ABCF1: variants seen among roughly 807,000 people sequenced by gnomAD.
ABCF1 encodes ATP binding cassette subfamily F member 1.
In ABCF1, 73 loss-of-function variants were observed where a neutral mutation model predicts 126.3. That is an observed-to-expected ratio of 0.58 (90% CI 0.48 to 0.70). The LOEUF (loss-of-function observed/expected upper bound fraction) is 0.70, where lower values mean the gene tolerates loss of function less well. Among genes scored for constraint, ABCF1 ranks in the 30% least tolerant of loss-of-function variants. The pLI, the probability that ABCF1 is intolerant of heterozygous loss-of-function variation, is 0.00. For missense variants in ABCF1, 786 were observed against 1,057.5 expected (o/e 0.74, Z 3.56); for synonymous variants, 345 against 396.4 (o/e 0.87, Z 1.54).
At position 30,584,198 on chromosome 6, in the gene ABCF1, T is replaced by C; in HGVS notation, c.1109T>C (p.Val370Ala). 1 of 1,611,866 alleles carries C rather than the reference T, an allele frequency of 6.2e-7. No homozygotes were observed. Among genetic ancestry groups the C allele is most frequent in the Non-Finnish European group, 8.5e-7 (1 of 1,179,624 alleles). ...TTCTCCCTCTGCCTCCCAGAGGTGG[T>C]AGCAGATGAGACACCAGCAGTCCAG... Reference protein sequence around the residue: ...IDVLLCEQEVVADETPAVQAV... With the variant: ...IDVLLCEQEVAADETPAVQAV... The change falls in exon 13 of 25, where the codon GTA becomes GCA. Residue 370 changes from valine (V) to alanine (A), a missense_variant. Val to Ala is a moderately conservative substitution (Grantham distance 64). This residue lies in a region of ABCF1 where 163 missense variants were observed against 255.3 expected (regional missense o/e 0.64). Transcript: ENST00000326195. This position sits in a 1 kb window ranked among gnomAD's most constrained non-coding sequence, Gnocchi z 4.6.
At chr6:30,572,962 A>G (rs1801328897) in intron 1 of ABCF1, among the ~76,000 whole-genome samples, 1 of 152,242 alleles carries the variant, frequency 6.6e-6, no homozygotes, top group African/African-American at 2.4e-5. Flanking sequence ...GAGACAGATA[A>G]TGAAAGGCTT....
intron 1 of ABCF1, among the ~76,000 whole-genome samples, chr6:30,573,430 C>A (rs79833294): frequency 0.021 from 3,222 of 152,254 alleles, 84 homozygotes; most frequent in East Asian, 0.068. Context: ...GGAGAGACAA[C>A]TATACTAGGA....
In ABCF1 at chr6:30,583,677, G is replaced by A. The variant is rs527747770; in HGVS notation, c.985G>A (p.Gly329Ser). 1.5e-5 allele frequency: 25 copies of A among 1,614,002 alleles called. No individual in the cohort carries two copies. The highest frequency in any genetic ancestry group is 9.3e-5 in the African/African-American group (7 of 75,040). The change falls in exon 11 of 25, where the codon GGC becomes AGC. Residue 329 changes from glycine (G) to serine (S), a missense_variant. Physicochemically the swap from Gly to Ser is moderately conservative, Grantham distance 56. This residue lies in a region of ABCF1 where 163 missense variants were observed against 255.3 expected (regional missense o/e 0.64). Coordinates refer to ENST00000326195, the MANE Select transcript of ABCF1 (RefSeq NM_001025091.2). The surrounding 1 kb of genome is among the most constrained non-coding windows in gnomAD (Gnocchi z 4.1). ...FVNADLYIVA[G>S]RRYGLVGPNG... The stretch of plus-strand genomic sequence containing the variant: ...CAATGCAGACCTGTACATTGTAGCC[G>A]GCCGCCGCTACGGGCTGGTAGGACC...
At position 30,578,566 on chromosome 6, in the gene ABCF1, C is replaced by T. The variant is rs1277226850; in HGVS notation, c.478C>T (p.Arg160Trp). The stretch of plus-strand genomic sequence containing the variant: ...TAAGCCTGCCAAGCCGGAGAAGAAT[C>T]GGATCAATAAGGTGACAGTGGTGGC... The part of the protein sequence containing the change: ...PPKPAKPEKN[R>W]INKAVSEEQQ... The change falls in exon 6 of 25, where the codon CGG becomes TGG. Residue 160 changes from arginine to tryptophan, a missense_variant. Arg to Trp is a moderately radical substitution (Grantham distance 101). Transcript: ENST00000326195. 2 of 1,613,604 alleles carry T rather than the reference C, an allele frequency of 1.2e-6. No homozygotes were observed. The highest frequency in any genetic ancestry group is 8.5e-7 in the Non-Finnish European group (1 of 1,179,764).
chr6:30,578,540 C>T lies in ABCF1; in HGVS notation c.452C>T (p.Pro151Leu). The T allele has an allele frequency of 1.9e-6, 3 of 1,613,692 alleles. No individual in the cohort carries two copies. The highest frequency in any genetic ancestry group is 2.5e-6 in the Non-Finnish European group (3 of 1,179,916). ...EEEEEEEKHP[P>L]KPAKPEKNRI... ...GAGGAGGAGGAAGAAAAACATCCTC[C>T]TAAGCCTGCCAAGCCGGAGAAGAAT... Residue 151 changes from proline to leucine, a missense_variant, in exon 6 of 25, where the codon CCT becomes CTT. Physicochemically the swap from Pro to Leu is moderately conservative, Grantham distance 98. This residue lies in a region of ABCF1 where 322 missense variants were observed against 322.9 expected (regional missense o/e 1.00). Transcript: ENST00000326195.
Position 30,590,196 on chromosome 6 carries a change from CCTGATG to C in ABCF1, c.2282_2287del (p.Pro761_Val763delinsLeu). The C allele has an allele frequency of 6.2e-7, 1 of 1,613,016 alleles. No homozygotes were observed. The highest frequency in any genetic ancestry group is 8.5e-7 in the Non-Finnish European group (1 of 1,180,012). On this transcript the variant is annotated inframe_deletion, in exon 23 of 25. Coordinates refer to ENST00000326195, the MANE Select transcript of ABCF1 (RefSeq NM_001025091.2). ...GTTTGCTGAGCTGGCCTGTCGGGAA[CCTGATG>C]TCCTCATCTTGGTGAGTGAGCTGGG...
rs1801938141 is a variant in ABCF1 at position 30,583,512 on chromosome 6, C to T, written c.916-96C>T. The T allele has an allele frequency of 1.1e-5, 15 of 1,319,164 alleles. No individual in the cohort carries two copies. The highest frequency in any genetic ancestry group is 2.9e-5 in the African/African-American group (2 of 69,070). 81.7% of individuals were successfully genotyped at this position (1,319,164 alleles called of 1,614,324 possible). Reference sequence around the variant, plus strand: ...GCTGGAGGTAGCGGTTTGTCAGAGGCTTCCCTGCAGGGAGAAAGTGGCCGC... The same window carrying T: ...GCTGGAGGTAGCGGTTTGTCAGAGGTTTCCCTGCAGGGAGAAAGTGGCCGC... On this transcript the variant is annotated intron_variant, in intron 10 of 24. Transcript: ENST00000326195. The surrounding 1 kb of genome is among the most constrained non-coding windows in gnomAD (Gnocchi z 4.1).
Position 30,574,833 on chromosome 6 carries a change from A to G in ABCF1, c.74-2576A>G, listed in dbSNP as rs78094121. 6.6e-6 allele frequency among the ~76,000 whole-genome samples: 1 copy of G among 152,178 alleles called. No homozygotes were observed. Among genetic ancestry groups the G allele is most frequent in the East Asian group, 1.9e-4 (1 of 5,182 alleles). ...AGCGTGCCTGGGACTTCATAAAGGA[A>G]CAGAAAGAAGCCAGTATCGAGACCA... On this transcript the variant is annotated intron_variant, in intron 1 of 24. Transcript: ENST00000326195. The surrounding 1 kb of genome is among the most constrained non-coding windows in gnomAD (Gnocchi z 4.3).
chr6:30,589,628 A>G, intron 20 of ABCF1, 60 bp from the exon 21 acceptor site: 2 of 1,479,356 alleles, frequency 1.4e-6, no homozygotes, highest in Middle Eastern at 1.8e-4. Flanking sequence ...AAGTTGATGT[A>G]TGGAGCTGCA....
Position 30,578,181 on chromosome 6 carries a change from A to T in ABCF1, c.322A>T (p.Thr108Ser). The change falls in exon 4 of 25, where the codon ACC (threonine) becomes TCC (serine). Residue 108 changes from threonine to serine, a missense_variant. Transcript: ENST00000326195. Reference sequence around the variant, plus strand: ...GCGTCTTAAGAAGCTCTCAGTGCCAACCAGTGATGAGGAGGATGAAGGTAA... The same window carrying T: ...GCGTCTTAAGAAGCTCTCAGTGCCATCCAGTGATGAGGAGGATGAAGGTAA... The part of the protein sequence containing the change: ...MERLKKLSVP[T>S]SDEEDEVPAP... The T allele has an allele frequency of 6.2e-7, 1 of 1,614,050 alleles. No individual in the cohort carries two copies. Among genetic ancestry groups the T allele is most frequent in the Non-Finnish European group, 8.5e-7 (1 of 1,180,006 alleles).
chr6:30,583,532 G>T lies in ABCF1; in HGVS notation c.916-76G>T. ...AGAGGCTTCCCTGCAGGGAGAAAGT[G>T]GCCGCTCCTGTCCCAAAGGGAGAAT... On this transcript the variant is annotated intron_variant, in intron 10 of 24. Transcript: ENST00000326195. The surrounding 1 kb of genome is among the most constrained non-coding windows in gnomAD (Gnocchi z 4.1). The T allele has an allele frequency of 1.4e-6, 2 of 1,467,770 alleles. No homozygotes were observed. Among genetic ancestry groups the T allele is most frequent in the Non-Finnish European group, 1.9e-6 (2 of 1,052,280 alleles). 90.9% of individuals were successfully genotyped at this position (1,467,770 alleles called of 1,614,324 possible). A position where few individuals can be genotyped will look rare whatever the true frequency, so the allele number is the denominator to read the frequency against.
chr6:30,586,750 T>C lies in ABCF1; in HGVS notation c.2031+39T>C, dbSNP rs772933315. 5.0e-6 allele frequency: 8 copies of C among 1,607,152 alleles called. No individual in the cohort carries two copies. The African/African-American group carries it at 9.4e-5, about 19-fold the overall frequency. On this transcript the variant is annotated intron_variant, in intron 20 of 24. Coordinates refer to ENST00000326195, the MANE Select transcript of ABCF1 (RefSeq NM_001025091.2). This position sits in a 1 kb window ranked among gnomAD's most constrained non-coding sequence, Gnocchi z 4.9. ...CCAAGGAGGGAGAGCATGAGAAATG[T>C]GAAGACACAGCTGCTTTTGCCAGAA...
chr6:30,586,223 C>T lies in ABCF1; in HGVS notation c.1803C>T (p.Leu601=), dbSNP rs543899443. The T allele has an allele frequency of 6.7e-5, 108 of 1,614,084 alleles. No individual in the cohort carries two copies. In the South Asian group the frequency reaches 1.2e-3, roughly 18 times the overall value. The change falls in exon 18 of 25, where the codon CTC becomes CTT. Residue 601 remains leucine (L), a synonymous_variant. Transcript: ENST00000326195. The surrounding 1 kb of genome is among the most constrained non-coding windows in gnomAD (Gnocchi z 4.9). ...QDEESQEAPE[L]LKRPKEYTVR... ...AGGAATCCCAGGAGGCCCCTGAGCT[C>T]CTGAAGCGCCCTAAGGAGTACACTG...
chr6:30,590,485 C>T (rs1802387865), intron 24 of ABCF1, 50 bp from the exon 25 acceptor site: 1 of 1,584,608 alleles, frequency 6.3e-7, no homozygotes, highest in African/African-American at 1.3e-5. Flanking sequence ...TTCTGATTCC[C>T]CTCTTTCTCC....
intron 1 of ABCF1, among the ~76,000 whole-genome samples, chr6:30,575,061 G>A (rs1801425143): frequency 6.7e-6 from 1 of 149,888 alleles, no homozygotes; most frequent in Non-Finnish European, 1.5e-5. Flanking sequence ...GGATACCATT[G>A]ACTTTTTTTC....
At chr6:30,577,743 C>T in intron 2 of ABCF1, 75 bp from the exon 3 acceptor site, 1 of 1,427,498 alleles carries the variant, frequency 7.0e-7, no homozygotes, top group Non-Finnish European at 9.8e-7. Flanking sequence ...GCCAGTGGGC[C>T]AATGTGTGGC....
chr6:30,575,073 T>A (rs1801427431), intron 1 of ABCF1, among the ~76,000 whole-genome samples: 1 of 138,236 alleles, frequency 7.2e-6, no homozygotes. Flanking sequence ...CTTTTTTTCT[T>A]TTTTTTTTTT....
In ABCF1 at chr6:30,590,815, A is replaced by G. The variant is rs908345178; in HGVS notation, c.*114A>G. Reference sequence around the variant, plus strand: ...CCTGCAGCTGACCTGGCAACCATTCAGGCACATGAAGGTGGAGTGTGACCT... The same window carrying G: ...CCTGCAGCTGACCTGGCAACCATTCGGGCACATGAAGGTGGAGTGTGACCT... On this transcript the variant is annotated 3_prime_UTR_variant, in exon 25 of 25. Coordinates refer to ENST00000326195, the MANE Select transcript of ABCF1 (RefSeq NM_001025091.2). 47 of 1,170,344 alleles carry G rather than the reference A, an allele frequency of 4.0e-5. No individual in the cohort carries two copies. The African/African-American group carries it at 5.7e-4, about 14-fold the overall frequency. The allele number at this position is 1,170,344 out of a possible 1,614,324, so 72.5% of individuals were successfully genotyped here.
intron 20 of ABCF1, chr6:30,589,460 G>A (rs574631287): frequency 2.1e-5 from 12 of 584,804 alleles, no homozygotes; most frequent in East Asian, 1.7e-4. Flanking sequence ...AAAATTAGCC[G>A]GGTGTGGTGG....
Sources: allele counts gnomAD v4.1 joint callset (sites outside exome capture counted in the v4.1 genomes callset), GRCh38; gene constraint gnomAD v4.1.1; regional missense constraint gnomAD v4.1.1; non-coding constraint Gnocchi (gnomAD v3.1); transcripts MANE v1.5; gene names NCBI Gene and HGNC (gene_info 2026-07-23, HGNC 2026-07-21).